The following ZGPAT variants were observed in gnomAD, a reference collection of about 807,000 sequenced individuals.
ZGPAT encodes the protein zinc finger CCCH-type and G-patch domain containing.
A neutral mutation model predicts 47.9 loss-of-function variants in ZGPAT; 39 were observed. The ratio of observed to expected loss-of-function variants is 0.81; its 90% CI spans 0.63 to 1.06. The LOEUF (loss-of-function observed/expected upper bound fraction) is 1.06. ZGPAT is among the 50% of genes least tolerant of loss of function. The pLI, the probability that ZGPAT is intolerant of heterozygous loss-of-function variation, is 0.00. For synonymous variants in ZGPAT, 348 were observed against 292.9 expected (o/e 1.19, Z -1.92); for missense variants, 717 against 681.4 (o/e 1.05, Z -0.58).
chr20:63,731,630 CAT>C (rs1462940365), intron 2 of ZGPAT, among the ~76,000 whole-genome samples: 32 of 146,264 alleles, frequency 2.2e-4, no homozygotes, highest in African/African-American at 6.4e-4. Context: ...TGTGATTGTG[CAT>C]ATGTGTGTAA....
intron 2 of ZGPAT, among the ~76,000 whole-genome samples, chr20:63,720,430 C>T (rs1441520700): frequency 6.6e-6 from 1 of 152,140 alleles, no homozygotes; most frequent in African/African-American, 2.4e-5. Flanking sequence ...GCTGGAATTA[C>T]AGGTGTGAGC....
At position 63,708,802 on chromosome 20, in the gene ZGPAT, G is replaced by A. The variant is rs758958907; in HGVS notation, c.222G>A (p.Gln74=). 6.2e-7 allele frequency: 1 copy of A among 1,605,782 alleles called. No homozygotes were observed. The highest frequency in any genetic ancestry group is 1.1e-5 in the South Asian group (1 of 90,740). ...AALDEERPGR[Q]EDAEYQAFRE... ...TGGACGAAGAGCGCCCGGGCCGCCAGGAAGATGCTGAGTACCAGGCTTTCC... is the reference window on the plus strand; with the variant it reads ...TGGACGAAGAGCGCCCGGGCCGCCAAGAAGATGCTGAGTACCAGGCTTTCC... The change falls in exon 2 of 7, where the codon CAG becomes CAA. Residue 74 remains glutamine, a synonymous_variant. Transcript: ENST00000355969.
chr20:63,711,979 A>G (rs745835330), intron 2 of ZGPAT, among the ~76,000 whole-genome samples: 2 of 152,338 alleles, frequency 1.3e-5, no homozygotes, highest in African/African-American at 2.4e-5. Flanking sequence ...TTCACTTGAT[A>G]TAGTGTCCTT....
rs961090630 is a variant in ZGPAT at position 63,735,978 on chromosome 20, G to C, written c.*59G>C. 1 of 1,568,362 alleles carries C rather than the reference G, an allele frequency of 6.4e-7. No individual in the cohort carries two copies. Among genetic ancestry groups the C allele is most frequent in the East Asian group, 2.3e-5 (1 of 44,344 alleles). On this transcript the variant is annotated 3_prime_UTR_variant, in exon 7 of 7. Coordinates refer to ENST00000355969, the MANE Select transcript of ZGPAT (RefSeq NM_181485.3). Reference sequence around the variant, plus strand: ...CCCCAGCACGGGCTGCCCTCAGGAAGACCAGTGTTGCCCGAGGAGGGGCCG... The same window carrying C: ...CCCCAGCACGGGCTGCCCTCAGGAACACCAGTGTTGCCCGAGGAGGGGCCG...
Position 63,734,144 on chromosome 20 carries a change from A to G in ZGPAT, c.871+405A>G, listed in dbSNP as rs527827126. The G allele has an allele frequency of 9.1e-4, 253 of 278,792 alleles. 4 individuals are homozygous for G. The highest frequency in any genetic ancestry group is 5.3e-3 in the South Asian group (120 of 22,684). The allele number at this position is 278,792 out of a possible 1,614,324, so 17.3% of individuals were successfully genotyped here. ...CAGAGGTTGTGTCCAGACAGCCAGC[A>G]TGGAAGTTTCGGGAATGGGAACTGG... On this transcript the variant is annotated intron_variant, in intron 4 of 6. Transcript: ENST00000355969.
intron 2 of ZGPAT, among the ~76,000 whole-genome samples, chr20:63,720,788 C>T (rs1414145789): frequency 6.6e-6 from 1 of 152,166 alleles, no homozygotes; most frequent in Non-Finnish European, 1.5e-5. Context: ...ATGGGCCACA[C>T]TTTCTTGTTT....
rs553069740 is a variant in ZGPAT at position 63,714,427 on chromosome 20, TAA to T, written c.584+5281_584+5282del. 4.8e-3 allele frequency among the ~76,000 whole-genome samples: 646 copies of T among 133,398 alleles called. 1 individual carries two copies. Among genetic ancestry groups the T allele is most frequent in the African/African-American group, 6.3e-3 (224 of 35,642 alleles). 87.5% of individuals were successfully genotyped at this position (133,398 alleles called of 152,430 possible). A position where few individuals can be genotyped will look rare whatever the true frequency, so the allele number is the denominator to read the frequency against. ...GACGACAGAGCAAGAACCCTGTCTT[TAA>T]AAAAAAAAAAAAAAAAAGTGGCTAG... On this transcript the variant is annotated intron_variant, in intron 2 of 6. Transcript: ENST00000355969.
At chr20:63,734,874 C>T in intron 5 of ZGPAT, 50 bp downstream of exon 5, 2 of 1,514,896 alleles carry the variant, frequency 1.3e-6, no homozygotes, top group Non-Finnish European at 8.8e-7. Flanking sequence ...CAGCATAGCC[C>T]AGGTCCAGCA....
intron 1 of ZGPAT, 162 bp downstream of exon 1, chr20:63,708,280 G>C (rs2091593110): frequency 5.2e-6 from 1 of 191,140 alleles, no homozygotes; most frequent in Non-Finnish European, 1.1e-5. Flanking sequence ...CGGGCGCGGC[G>C]GGTGGGCTCG....
intron 2 of ZGPAT, among the ~76,000 whole-genome samples, chr20:63,712,103 C>T (rs972977892): frequency 2.6e-5 from 4 of 152,146 alleles, no homozygotes; most frequent in African/African-American, 7.2e-5. Flanking sequence ...AGGATTTTCA[C>T]CTATGTTTTC....
chr20:63,725,555 G>A (rs1284090719), intron 2 of ZGPAT, among the ~76,000 whole-genome samples: 1 of 152,044 alleles, frequency 6.6e-6, no homozygotes, highest in African/African-American at 2.4e-5. Flanking sequence ...TTGGCCTTTA[G>A]TAGTTTGTGA....
chr20:63,709,275 G>A (rs980716510), intron 2 of ZGPAT, 111 bp downstream of exon 2: 1 of 1,188,824 alleles, frequency 8.4e-7, no homozygotes, highest in African/African-American at 1.5e-5. Context: ...CAGCTTCCTG[G>A]GGCAGGCGTG....
At chr20:63,733,193 C>G in intron 2 of ZGPAT, 26 bp from the exon 3 acceptor site, 1 of 1,608,422 alleles carries the variant, frequency 6.2e-7, no homozygotes, top group Admixed American at 1.7e-5. Context: ...ATGTCTGAGC[C>G]CTGCCCCTTA....
Position 63,708,611 on chromosome 20 carries a change from C to T in ZGPAT, c.31C>T (p.Gln11Ter). MDEESLESAL[Q>*]TYRAQLQQVE... The stretch of plus-strand genomic sequence containing the variant: ...CGAGGAGAGCCTGGAGTCGGCCTTG[C>T]AGACCTACCGTGCGCAGCTGCAGCA... Residue 11 changes from glutamine to a stop codon, truncating the protein, a stop_gained, in exon 2 of 7, where the codon CAG becomes TAG. Coordinates refer to ENST00000355969, the MANE Select transcript of ZGPAT (RefSeq NM_181485.3). LOFTEE classifies it high-confidence loss of function. 2 of 1,607,572 alleles carry T rather than the reference C, an allele frequency of 1.2e-6. No individual in the cohort carries two copies. Among genetic ancestry groups the T allele is most frequent in the Admixed American group, 1.7e-5 (1 of 59,734 alleles).
intron 2 of ZGPAT, among the ~76,000 whole-genome samples, chr20:63,715,938 A>G (rs1469791344): frequency 6.6e-6 from 1 of 152,206 alleles, no homozygotes; most frequent in East Asian, 1.9e-4. Flanking sequence ...TTGGAAGCTA[A>G]AACGTATAAC....
chr20:63,729,574 G>A (rs1393885972), intron 2 of ZGPAT, among the ~76,000 whole-genome samples: 4 of 152,040 alleles, frequency 2.6e-5, no homozygotes, highest in East Asian at 3.9e-4. Context: ...TCTGCCACAC[G>A]AGGCTTTCTG....
intron 2 of ZGPAT, among the ~76,000 whole-genome samples, chr20:63,732,508 T>C (rs1480571544): frequency 7.0e-6 from 1 of 142,988 alleles, no homozygotes; most frequent in Non-Finnish European, 1.6e-5. Flanking sequence ...TGAGGGCACG[T>C]GTGCGCGCGT....
Position 63,733,340 on chromosome 20 carries a change from G to A in ZGPAT, c.706G>A (p.Ala236Thr), listed in dbSNP as rs2091942629. The change falls in exon 3 of 7, where the codon GCA becomes ACA. Residue 236 changes from alanine to threonine, a missense_variant. Ala to Thr is a moderately conservative substitution (Grantham distance 58). Transcript: ENST00000355969. ...AKHQDGLWHA[A>T]RITDVDNGYY... ...GCACCAGGATGGCCTCTGGCACGCAGCACGCATCACCGGTGAGGCTGGCCG... is the reference window on the plus strand; with the variant it reads ...GCACCAGGATGGCCTCTGGCACGCAACACGCATCACCGGTGAGGCTGGCCG... 4 of 1,611,654 alleles carry A rather than the reference G, an allele frequency of 2.5e-6. No individual in the cohort carries two copies. The highest frequency in any genetic ancestry group is 3.4e-6 in the Non-Finnish European group (4 of 1,179,832).
At chr20:63,732,269 G>A (rs1210029514) in intron 2 of ZGPAT, among the ~76,000 whole-genome samples, 1 of 145,948 alleles carries the variant, frequency 6.9e-6, no homozygotes, top group African/African-American at 2.6e-5. Context: ...ATGAGAGGTC[G>A]CATGTGTGTG....
Sources: allele counts gnomAD v4.1 joint callset (sites outside exome capture counted in the v4.1 genomes callset), GRCh38; gene constraint gnomAD v4.1.1; transcripts MANE v1.5; gene names NCBI Gene and HGNC (gene_info 2026-07-23, HGNC 2026-07-21).